FSTL5: variants seen among roughly 807,000 people sequenced by gnomAD.
The protein encoded by FSTL5 is follistatin like 5.
In FSTL5, 62 loss-of-function variants were observed where a neutral mutation model predicts 89.1. The ratio of observed to expected loss-of-function variants is 0.70; its 90% confidence interval spans 0.57 to 0.86. The LOEUF is 0.86. Among genes scored for constraint, FSTL5 ranks in the 40% least tolerant of loss-of-function variants. The pLI is 0.00. For missense variants in FSTL5, 1,057 were observed against 1,001.6 expected (o/e 1.06, Z -0.75); for synonymous variants, 383 against 346.2 (o/e 1.11, Z -1.18).
chr4:161,504,635 C>T (rs1442586130), intron 11 of FSTL5, among the ~76,000 whole-genome samples: 2 of 151,630 alleles, frequency 1.3e-5, no homozygotes, highest in Non-Finnish European at 2.9e-5. Flanking sequence ...TCTTTCTATA[C>T]ACAGAAAAGA....
intron 12 of FSTL5, among the ~76,000 whole-genome samples, chr4:161,490,224 C>T (rs936689656): frequency 6.6e-6 from 1 of 152,062 alleles, no homozygotes; most frequent in Non-Finnish European, 1.5e-5. Context: ...AAGCATCATA[C>T]AGTTTGAAGA....
intron 8 of FSTL5, among the ~76,000 whole-genome samples, chr4:161,549,874 T>C (rs1732139514): frequency 6.6e-6 from 1 of 152,006 alleles, no homozygotes; most frequent in African/African-American, 2.4e-5. Context: ...TCTTATTTTT[T>C]AGTGTCTGGA....
chr4:161,877,184 G>A (rs1377471141), intron 4 of FSTL5, among the ~76,000 whole-genome samples: 143 of 127,310 alleles, frequency 1.1e-3, no homozygotes, highest in Middle Eastern at 4.3e-3. Flanking sequence ...ACTCTGTCTC[G>A]AAAAAAAAAA....
chr4:161,534,905 C>G (rs1387190019), intron 10 of FSTL5, among the ~76,000 whole-genome samples: 1 of 151,990 alleles, frequency 6.6e-6, no homozygotes, highest in Non-Finnish European at 1.5e-5. Flanking sequence ...ACAGACACCC[C>G]AGAAATAAAC....
intron 3 of FSTL5, among the ~76,000 whole-genome samples, chr4:161,968,214 G>C (rs1046502435): frequency 6.6e-6 from 1 of 151,892 alleles, no homozygotes; most frequent in Non-Finnish European, 1.5e-5. Context: ...AATTTGTTCT[G>C]AATGATATAA....
chr4:161,724,590 C>T (rs114547801), intron 6 of FSTL5, among the ~76,000 whole-genome samples: 127 of 152,204 alleles, frequency 8.3e-4, no homozygotes, highest in African/African-American at 3.0e-3. Flanking sequence ...GATTTTATAT[C>T]TTCACGTTTG....
chr4:162,162,388 T>C (rs2110772765), intron 1 of FSTL5, among the ~76,000 whole-genome samples: 1 of 152,226 alleles, frequency 6.6e-6, no homozygotes, highest in East Asian at 1.9e-4. Flanking sequence ...CTCATTCCTA[T>C]TAATATTGGA....
chr4:161,920,127 C>T (rs1174519068), intron 4 of FSTL5, among the ~76,000 whole-genome samples: 2 of 152,098 alleles, frequency 1.3e-5, no homozygotes, highest in Non-Finnish European at 2.9e-5. Context: ...CCCTGTGTCC[C>T]TAAGAAAATC....
At chr4:161,889,382 C>T (rs1338964182) in intron 4 of FSTL5, among the ~76,000 whole-genome samples, 1 of 152,144 alleles carries the variant, frequency 6.6e-6, no homozygotes, top group Non-Finnish European at 1.5e-5. Context: ...GTGGCTCACA[C>T]CTGTAATCCC....
chr4:161,748,268 C>T (rs1418140433), intron 6 of FSTL5, among the ~76,000 whole-genome samples: 1 of 152,034 alleles, frequency 6.6e-6, no homozygotes, highest in African/African-American at 2.4e-5. Context: ...GAAATTGCCA[C>T]AAAAAGTATC....
At chr4:162,067,150 C>T (rs892785098) in intron 2 of FSTL5, among the ~76,000 whole-genome samples, 17 of 152,184 alleles carry the variant, frequency 1.1e-4, no homozygotes, top group Admixed American at 3.9e-4. Flanking sequence ...CTCAAGCAAT[C>T]CTTTAACCTC....
At chr4:161,600,076 C>T (rs965504326) in intron 7 of FSTL5, among the ~76,000 whole-genome samples, 8 of 151,546 alleles carry the variant, frequency 5.3e-5, no homozygotes, top group Non-Finnish European at 8.8e-5. Context: ...GGTCATCTAG[C>T]TCTACATTTC....
At chr4:161,773,868 T>C (rs933395943) in intron 5 of FSTL5, among the ~76,000 whole-genome samples, 3 of 152,184 alleles carry the variant, frequency 2.0e-5, no homozygotes, top group Admixed American at 6.5e-5. Flanking sequence ...CAAGTCATTA[T>C]ATGAAAAATA....
chr4:161,431,678 G>T (rs78961026), intron 15 of FSTL5, among the ~76,000 whole-genome samples: 20,927 of 151,792 alleles, frequency 0.14, 1,715 homozygotes, highest in East Asian at 0.24. Context: ...ATGGTTGAAT[G>T]GATAAAGAAA....
At chr4:161,561,131 A>G (rs1732581523) in intron 8 of FSTL5, among the ~76,000 whole-genome samples, 1 of 151,902 alleles carries the variant, frequency 6.6e-6, no homozygotes, top group African/African-American at 2.4e-5. Flanking sequence ...TAAGACCACT[A>G]TCTTACATGT....
chr4:162,142,686 G>A (rs933918076), intron 1 of FSTL5, among the ~76,000 whole-genome samples: 1 of 152,122 alleles, frequency 6.6e-6, no homozygotes, highest in African/African-American at 2.4e-5. Flanking sequence ...GAGTAGCTAA[G>A]AGAAGATATA....
At chr4:161,857,795 CT>C (rs1313087620) in intron 4 of FSTL5, among the ~76,000 whole-genome samples, 2 of 152,076 alleles carry the variant, frequency 1.3e-5, no homozygotes, top group African/African-American at 4.8e-5. Flanking sequence ...CTTTTTCTTC[CT>C]TGTCTCTTTT....
chr4:161,768,208 T>C (rs1473914594), intron 5 of FSTL5, among the ~76,000 whole-genome samples: 1 of 152,110 alleles, frequency 6.6e-6, no homozygotes, highest in Non-Finnish European at 1.5e-5. Context: ...ACTTCAAATA[T>C]CTGTGCCCCT....
chr4:161,763,237 T>C (rs1453015693), intron 5 of FSTL5, among the ~76,000 whole-genome samples: 1 of 152,124 alleles, frequency 6.6e-6, no homozygotes, highest in East Asian at 1.9e-4. Flanking sequence ...ATCTTTCCCA[T>C]ATGAAACTCA....
Sources: gnomAD v4.1 joint callset for allele counts (sites outside exome capture counted in the v4.1 genomes callset) on GRCh38, gnomAD v4.1.1 for gene constraint, MANE v1.5 for transcripts, NCBI Gene and HGNC (gene_info 2026-07-23, HGNC 2026-07-21) for gene names.